The following ETFA variants were observed in gnomAD, a reference collection of about 807,000 sequenced individuals.
ETFA encodes electron transfer flavoprotein subunit alpha, mitochondrial.
A neutral mutation model predicts 46.2 loss-of-function variants in ETFA; 22 were observed. That is an observed-to-expected ratio of 0.48 (90% confidence interval 0.34 to 0.68). ETFA has a LOEUF of 0.68. ETFA is among the 30% of genes least tolerant of loss of function. ETFA has a pLI of 0.01. For synonymous variants in ETFA, 131 were observed against 139.9 expected (o/e 0.94, Z 0.45); for missense variants, 345 against 401.1 (o/e 0.86, Z 1.19).
chr15:76,251,197 C>T (rs1257460383), intron 9 of ETFA, among the ~76,000 whole-genome samples: 1 of 152,014 alleles, frequency 6.6e-6, no homozygotes, highest in East Asian at 1.9e-4. Context: ...GAGACTCTGA[C>T]TCGGAGGATG....
At chr15:76,291,249 C>A (rs2039758507) in intron 4 of ETFA, among the ~76,000 whole-genome samples, 1 of 151,918 alleles carries the variant, frequency 6.6e-6, no homozygotes, top group South Asian at 2.1e-4. Flanking sequence ...TCGAGACCAG[C>A]CTGGTCAACA....
At chr15:76,268,394 C>T (rs2039495016) in intron 9 of ETFA, among the ~76,000 whole-genome samples, 1 of 152,098 alleles carries the variant, frequency 6.6e-6, no homozygotes, top group Admixed American at 6.5e-5. Context: ...CCAGGTCAAT[C>T]TGAATACGAA....
chr15:76,246,917 T>G (rs977767520), intron 9 of ETFA, among the ~76,000 whole-genome samples: 72 of 152,248 alleles, frequency 4.7e-4, no homozygotes, highest in African/African-American at 1.7e-3. Flanking sequence ...TGTCTGTGTA[T>G]GTACAACATC....
chr15:76,295,933 A>ATTTTTTTTTT (rs1555459250), intron 1 of ETFA, among the ~76,000 whole-genome samples, 196 bp from the exon 2 acceptor site: 2 of 58,512 alleles, frequency 3.4e-5, no homozygotes, highest in East Asian at 3.7e-4. Context: ...TACCACTAAT[A>ATTTTTTTTTT]TTCTTTTTTT....
chr15:76,293,754 A>C (rs1289394214), intron 2 of ETFA, among the ~76,000 whole-genome samples: 3 of 152,254 alleles, frequency 2.0e-5, no homozygotes, highest in Non-Finnish European at 4.4e-5. Context: ...AGCTTGCAAC[A>C]ATATTCACTG....
At chr15:76,264,381 T>C (rs1252533641) in intron 9 of ETFA, among the ~76,000 whole-genome samples, 1 of 152,190 alleles carries the variant, frequency 6.6e-6, no homozygotes, top group Non-Finnish European at 1.5e-5. Flanking sequence ...GAGTTGGCCC[T>C]AATTGGGGTC....
intron 5 of ETFA, among the ~76,000 whole-genome samples, chr15:76,287,106 G>C (rs970365218): frequency 6.6e-6 from 1 of 152,126 alleles, no homozygotes; most frequent in Non-Finnish European, 1.5e-5. Flanking sequence ...TGCCTTCTCC[G>C]ACCCCACTAG....
intron 10 of ETFA, among the ~76,000 whole-genome samples, chr15:76,227,416 C>T (rs1348601165): frequency 6.8e-6 from 1 of 147,522 alleles, no homozygotes; most frequent in African/African-American, 2.5e-5. Context: ...GTTTGGGAGG[C>T]TCAGACAGGA....
At chr15:76,218,151 G>A (rs2038917022) in intron 11 of ETFA, among the ~76,000 whole-genome samples, 1 of 152,134 alleles carries the variant, frequency 6.6e-6, no homozygotes, top group Non-Finnish European at 1.5e-5. Flanking sequence ...ACACTAATTT[G>A]GTTTAGAATA....
At chr15:76,292,942 G>A (rs555287920) in intron 2 of ETFA, among the ~76,000 whole-genome samples, 1 of 152,286 alleles carries the variant, frequency 6.6e-6, no homozygotes, top group African/African-American at 2.4e-5. Context: ...TTCAAGACCA[G>A]CCTGGCCAAC....
intron 9 of ETFA, chr15:76,261,673 G>T: frequency 2.8e-6 from 1 of 362,280 alleles, no homozygotes; most frequent in South Asian, 4.2e-5. Context: ...GCCGCCCCAT[G>T]CTGTGCCTCA....
intron 1 of ETFA, among the ~76,000 whole-genome samples, chr15:76,308,056 C>T (rs1007917193): frequency 6.6e-6 from 1 of 152,086 alleles, no homozygotes; most frequent in Non-Finnish European, 1.5e-5. Context: ...ACTTTACAAA[C>T]ATGAGACAAC....
At chr15:76,283,286 A>T (rs567113820) in intron 8 of ETFA, among the ~76,000 whole-genome samples, 53 of 151,808 alleles carry the variant, frequency 3.5e-4, no homozygotes, top group Middle Eastern at 3.5e-3. Flanking sequence ...CCACCTCTCA[A>T]GCTCAAGCAA....
intron 9 of ETFA, among the ~76,000 whole-genome samples, chr15:76,258,404 C>A (rs2039367893): frequency 1.3e-5 from 2 of 152,270 alleles, no homozygotes; most frequent in Admixed American, 1.3e-4. Flanking sequence ...GCATCCTCCC[C>A]TCAACTTCTC....
intron 9 of ETFA, among the ~76,000 whole-genome samples, chr15:76,231,736 AC>A (rs1255570880): frequency 1.3e-5 from 2 of 152,200 alleles, no homozygotes; most frequent in Non-Finnish European, 2.9e-5. Flanking sequence ...TGTGGCACTC[AC>A]TTGAAAATCA....
chr15:76,282,858 G>T (rs1342650662), intron 8 of ETFA, among the ~76,000 whole-genome samples: 1 of 151,964 alleles, frequency 6.6e-6, no homozygotes, highest in African/African-American at 2.4e-5. Flanking sequence ...TCTCAATTAG[G>T]TTGCCTAGGC....
At chr15:76,274,318 G>T in intron 9 of ETFA, 94 bp downstream of exon 9, 1 of 980,558 alleles carries the variant, frequency 1.0e-6, no homozygotes, top group Non-Finnish European at 1.6e-6. Context: ...CAGGAACACT[G>T]AGTAAGGTAA....
chr15:76,308,515 C>T (rs899090701), intron 1 of ETFA, among the ~76,000 whole-genome samples: 1 of 152,110 alleles, frequency 6.6e-6, no homozygotes, highest in Non-Finnish European at 1.5e-5. Flanking sequence ...TGACCTGAAT[C>T]TAATCATGAG....
intron 10 of ETFA, among the ~76,000 whole-genome samples, chr15:76,227,305 T>G (rs1230789523): frequency 6.6e-6 from 1 of 151,844 alleles, no homozygotes; most frequent in African/African-American, 2.4e-5. Context: ...TCACTTGAGG[T>G]CAGGAGTTCG....
Sources: gnomAD v4.1 joint callset for allele counts (sites outside exome capture counted in the v4.1 genomes callset) on GRCh38, gnomAD v4.1.1 for gene constraint, MANE v1.5 for transcripts, NCBI Gene and HGNC (gene_info 2026-07-23, HGNC 2026-07-21) for gene names.